Variants in RPF2 observed in about 807,000 individuals in gnomAD.
RPF2 encodes brix domain containing 1.
A neutral mutation model predicts 38.9 loss-of-function variants in RPF2; 21 were observed. The ratio of observed to expected loss-of-function variants is 0.54; its 90% CI spans 0.38 to 0.78. The LOEUF is 0.78. RPF2 is among the 30% of genes least tolerant of loss of function. The pLI is 0.00. For synonymous variants in RPF2, 121 were observed against 126.2 expected (o/e 0.96, Z 0.28); for missense variants, 314 against 358.1 (o/e 0.88, Z 0.99).
intron 4 of RPF2, among the ~76,000 whole-genome samples, chr6:110,993,825 A>C (rs918654576): frequency 6.6e-6 from 1 of 152,158 alleles, no homozygotes; most frequent in African/African-American, 2.4e-5. Flanking sequence ...ATAGTGGTCA[A>C]TTTTCTCCTC....
intron 8 of RPF2, among the ~76,000 whole-genome samples, chr6:111,017,157 C>T (rs1213392758): frequency 1.3e-5 from 2 of 152,222 alleles, no homozygotes; most frequent in African/African-American, 4.8e-5. Context: ...TCGACAAAAC[C>T]GCCATCGTCA....
At chr6:111,004,207 G>A (rs1771867160) in intron 6 of RPF2, among the ~76,000 whole-genome samples, 1 of 147,492 alleles carries the variant, frequency 6.8e-6, no homozygotes, top group Non-Finnish European at 1.5e-5. Flanking sequence ...TTTTTAGATG[G>A]AGTCTCACAC....
At chr6:111,013,186 T>A (rs1379061712) in intron 7 of RPF2, among the ~76,000 whole-genome samples, 1 of 152,240 alleles carries the variant, frequency 6.6e-6, no homozygotes, top group Admixed American at 6.5e-5. Flanking sequence ...TATGTATTCA[T>A]ATCTACCTAG....
At chr6:110,989,173 A>G in intron 3 of RPF2, 108 bp downstream of exon 3, 1 of 1,121,710 alleles carries the variant, frequency 8.9e-7, no homozygotes, top group South Asian at 2.2e-5. Context: ...AGATATTAAA[A>G]TTCCTTACAG....
intron 8 of RPF2, 116 bp downstream of exon 8, chr6:111,015,972 AGTTG>A: frequency 1.3e-6 from 1 of 743,774 alleles, no homozygotes; most frequent in Non-Finnish European, 2.3e-6. Context: ...TTTCTTGGAG[AGTTG>A]GCAGGATAGC....
At chr6:110,982,326 C>A in intron 1 of RPF2, 197 bp downstream of exon 1, 1 of 626,878 alleles carries the variant, frequency 1.6e-6, no homozygotes, top group Non-Finnish European at 2.8e-6. Context: ...AAGTGGGAGC[C>A]GTGGGATGGG....
intron 8 of RPF2, among the ~76,000 whole-genome samples, chr6:111,018,838 G>A (rs1448476507): frequency 6.6e-6 from 1 of 152,122 alleles, no homozygotes; most frequent in Non-Finnish European, 1.5e-5. Flanking sequence ...TGTGATTTGG[G>A]AGCTTCTAAG....
chr6:111,007,545 A>G (rs115209095), intron 6 of RPF2, among the ~76,000 whole-genome samples: 4 of 152,218 alleles, frequency 2.6e-5, no homozygotes, highest in Non-Finnish European at 5.9e-5. Context: ...TAAAAAGAAA[A>G]AAAAACCCAC....
chr6:111,016,834 T>TC (rs528388385), intron 8 of RPF2, among the ~76,000 whole-genome samples: 49 of 151,614 alleles, frequency 3.2e-4, no homozygotes, highest in Non-Finnish European at 5.4e-4. Context: ...CCTGCGGCCT[T>TC]CCGCAGTGTT....
chr6:111,004,468 C>T (rs1360715149), intron 6 of RPF2, among the ~76,000 whole-genome samples: 1 of 152,064 alleles, frequency 6.6e-6, no homozygotes, highest in African/African-American at 2.4e-5. Flanking sequence ...AGGCGTGAGC[C>T]ACTGTGCCCG....
intron 7 of RPF2, among the ~76,000 whole-genome samples, chr6:111,008,420 T>C (rs74845755): frequency 2.8e-4 from 43 of 151,650 alleles, no homozygotes; most frequent in African/African-American, 9.7e-4. Context: ...CTTTTTTTTT[T>C]CCCTTACCAG....
intron 8 of RPF2, among the ~76,000 whole-genome samples, chr6:111,019,157 C>T (rs1044021379): frequency 2.6e-5 from 4 of 151,814 alleles, no homozygotes; most frequent in African/African-American, 7.3e-5. Context: ...AGAGAGTGGG[C>T]GGATCACTTG....
At chr6:111,006,096 G>A (rs1244666707) in intron 6 of RPF2, among the ~76,000 whole-genome samples, 2 of 151,328 alleles carry the variant, frequency 1.3e-5, no homozygotes, top group Non-Finnish European at 2.9e-5. Context: ...GTGAGTCACC[G>A]TGCCCAGCCT....
chr6:111,004,924 C>T (rs1050938398), intron 6 of RPF2, among the ~76,000 whole-genome samples: 6 of 152,168 alleles, frequency 3.9e-5, no homozygotes, highest in African/African-American at 1.2e-4. Context: ...TACTGGGTGA[C>T]AACTTCAAAT....
In RPF2 at chr6:111,025,672, A is replaced by G. The variant is rs1442811122; in HGVS notation, c.*90A>G. ...CATTCAGAGTTTCTTATAAGATCTT[A>G]TTATATATTTTTATAACATGATAAT... On this transcript the variant is annotated 3_prime_UTR_variant, in exon 10 of 10. Coordinates refer to ENST00000441448, the MANE Select transcript of RPF2 (RefSeq NM_032194.3). 1 of 901,038 alleles carries G rather than the reference A, an allele frequency of 1.1e-6. No homozygotes were observed. The allele number at this position is 901,038 out of a possible 1,614,324, so 55.8% of individuals were successfully genotyped here.
chr6:110,997,164 G>A lies in RPF2; in HGVS notation c.235-19G>A. 1 of 1,438,428 alleles carries A rather than the reference G, an allele frequency of 7.0e-7. No homozygotes were observed. The highest frequency in any genetic ancestry group is 9.8e-7 in the Non-Finnish European group (1 of 1,024,652). 89.1% of individuals were successfully genotyped at this position (1,438,428 alleles called of 1,614,324 possible). A position where few individuals can be genotyped will look rare whatever the true frequency, so the allele number is the denominator to read the frequency against. On this transcript the variant is annotated intron_variant, in intron 4 of 9. Transcript: ENST00000441448. ...TTAAATTTATGCATGGACTAAATGG[G>A]ATTTATTTGGTTTTATAGGAATTCT...
chr6:111,007,319 C>A (rs1225570242), intron 6 of RPF2, among the ~76,000 whole-genome samples: 1 of 152,106 alleles, frequency 6.6e-6, no homozygotes, highest in African/African-American at 2.4e-5. Flanking sequence ...TTTGCGTAGA[C>A]TAATGTTAAA....
At chr6:111,012,687 T>C (rs1219122474) in intron 7 of RPF2, among the ~76,000 whole-genome samples, 11 of 152,112 alleles carry the variant, frequency 7.2e-5, no homozygotes, top group African/African-American at 2.4e-4. Flanking sequence ...GTTTATTTTT[T>C]GAAATGGAGT....
chr6:111,012,094 C>T (rs1470620578), intron 7 of RPF2, among the ~76,000 whole-genome samples: 1 of 148,632 alleles, frequency 6.7e-6, no homozygotes, highest in Non-Finnish European at 1.5e-5. Context: ...TCTTAATTGA[C>T]CAGAAAGAAA....
Sources: gnomAD v4.1 joint callset for allele counts (sites outside exome capture counted in the v4.1 genomes callset) on GRCh38, gnomAD v4.1.1 for gene constraint, MANE v1.5 for transcripts, NCBI Gene and HGNC (gene_info 2026-07-23, HGNC 2026-07-21) for gene names.